TENM3: variants seen among roughly 807,000 people sequenced by gnomAD.
TENM3 encodes teneurin-3.
TENM3 carries 63 observed loss-of-function variants against 255.1 expected under a neutral mutation model. That is an observed-to-expected ratio of 0.25 (90% confidence interval 0.20 to 0.30). The LOEUF (loss-of-function observed/expected upper bound fraction) is 0.30, where lower values mean the gene tolerates loss of function less well. Ranked by LOEUF, TENM3 falls within the 10% of genes least tolerant of loss-of-function variation. The pLI is 1.00. For missense variants in TENM3, 2,929 were observed against 3,461.1 expected, an observed-to-expected ratio of 0.85 and a Z score of 3.86; for synonymous variants, 1,306 against 1,322.3, an observed-to-expected ratio of 0.99 and a Z score of 0.27.
At chr4:182,062,942 T>A in the TENM3 span, among the ~76,000 whole-genome samples, 3 of 152,226 alleles carry the variant, frequency 2.0e-5, no homozygotes, top group Non-Finnish European at 4.4e-5. Context: ...CTTTTACAAC[T>A]CCAGAGCAGA....
intron 13 of TENM3, among the ~76,000 whole-genome samples, chr4:182,719,893 T>A (rs919611188): frequency 6.6e-6 from 1 of 151,902 alleles, no homozygotes; most frequent in Admixed American, 6.6e-5. Flanking sequence ...AGGCCCCATC[T>A]CTACAAAAAA....
chr4:182,346,242 G>A (rs1198924405), intron 2 of TENM3, among the ~76,000 whole-genome samples: 1 of 152,060 alleles, frequency 6.6e-6, no homozygotes, highest in Non-Finnish European at 1.5e-5. Context: ...GTGACATCTG[G>A]GTGGGAAAAT....
At chr4:182,558,011 C>G (rs1178489818) in intron 3 of TENM3, among the ~76,000 whole-genome samples, 1 of 152,090 alleles carries the variant, frequency 6.6e-6, no homozygotes, top group Non-Finnish European at 1.5e-5. Flanking sequence ...GAGAACTTGC[C>G]CGATACCTTC....
chr4:182,302,548 CT>C (rs141412808), intron 1 of TENM3, among the ~76,000 whole-genome samples: 54 of 149,372 alleles, frequency 3.6e-4, no homozygotes, highest in African/African-American at 5.9e-4. Flanking sequence ...AACTAAATGT[CT>C]TTTTTTTTTA....
chr4:182,022,277 T>C, the TENM3 span, among the ~76,000 whole-genome samples: 1 of 152,200 alleles, frequency 6.6e-6, no homozygotes, highest in Non-Finnish European at 1.5e-5. Flanking sequence ...GAGGCCATTA[T>C]TCTAAGTGGA....
chr4:181,706,111 G>C, the TENM3 span, among the ~76,000 whole-genome samples: 2 of 152,052 alleles, frequency 1.3e-5, no homozygotes, highest in Non-Finnish European at 2.9e-5. Flanking sequence ...AGAGCCATGA[G>C]GGAGGAGCTG....
chr4:182,630,672 A>G (rs1351683813), intron 5 of TENM3, among the ~76,000 whole-genome samples: 1 of 152,116 alleles, frequency 6.6e-6, no homozygotes, highest in Non-Finnish European at 1.5e-5. Context: ...TATGTAACAA[A>G]CCTGCACATC....
intron 18 of TENM3, among the ~76,000 whole-genome samples, chr4:182,740,302 G>C (rs967141088): frequency 6.6e-6 from 1 of 152,160 alleles, no homozygotes; most frequent in Non-Finnish European, 1.5e-5. Context: ...ACTAAGCAGG[G>C]GACTCCAGTG....
chr4:181,672,719 C>T, the TENM3 span, among the ~76,000 whole-genome samples: 2 of 152,188 alleles, frequency 1.3e-5, no homozygotes, highest in Admixed American at 6.5e-5. Context: ...ATTATAGGTG[C>T]TAGCAATAAC....
the TENM3 span, among the ~76,000 whole-genome samples, chr4:182,001,890 T>C: frequency 6.6e-6 from 1 of 152,130 alleles, no homozygotes; most frequent in Non-Finnish European, 1.5e-5. Flanking sequence ...TGAGATCAAG[T>C]TGATTGGTTC....
chr4:181,600,505 G>T, the TENM3 span, among the ~76,000 whole-genome samples: 5 of 152,092 alleles, frequency 3.3e-5, no homozygotes, highest in African/African-American at 4.8e-5. Flanking sequence ...TTTCCCGGAA[G>T]CCAAGGCAGG....
chr4:181,921,605 A>G, the TENM3 span, among the ~76,000 whole-genome samples: 4 of 152,206 alleles, frequency 2.6e-5, no homozygotes, highest in East Asian at 1.9e-4. Context: ...ACTTTGCTGA[A>G]GTTGCTTATC....
the TENM3 span, among the ~76,000 whole-genome samples, chr4:182,002,345 T>A: frequency 6.6e-6 from 1 of 152,080 alleles, no homozygotes; most frequent in Non-Finnish European, 1.5e-5. Context: ...AAAGAGCTTC[T>A]CCCTTTAGGT....
intron 12 of TENM3, among the ~76,000 whole-genome samples, chr4:182,705,088 G>T (rs1268144572): frequency 6.6e-6 from 1 of 152,168 alleles, no homozygotes; most frequent in Non-Finnish European, 1.5e-5. Flanking sequence ...CAGCAGTTAA[G>T]GAACATCAAA....
At chr4:182,311,017 CA>C (rs1357306842) in intron 1 of TENM3, among the ~76,000 whole-genome samples, 1 of 152,134 alleles carries the variant, frequency 6.6e-6, no homozygotes, top group Non-Finnish European at 1.5e-5. Context: ...GCCCACAAAA[CA>C]AAATTAGTAC....
At chr4:181,867,695 A>T in the TENM3 span, among the ~76,000 whole-genome samples, 1 of 152,206 alleles carries the variant, frequency 6.6e-6, no homozygotes, top group Non-Finnish European at 1.5e-5. Context: ...ATGTACTGTT[A>T]TGATAAAATT....
chr4:182,382,128 G>C (rs1056948069), intron 3 of TENM3, among the ~76,000 whole-genome samples: 23 of 152,282 alleles, frequency 1.5e-4, no homozygotes, highest in Admixed American at 3.9e-4. Context: ...GCTATGAAGA[G>C]AGCCAAAGGA....
chr4:182,141,685 A>C (rs1749443328), upstream of TENM3: 1 of 152,196 alleles, frequency 6.6e-6, no homozygotes, highest in Non-Finnish European at 1.5e-5. Context: ...AGCATTGCAT[A>C]CTGAAAAACT....
the TENM3 span, among the ~76,000 whole-genome samples, chr4:181,824,967 G>A: frequency 6.6e-6 from 1 of 152,168 alleles, no homozygotes; most frequent in Non-Finnish European, 1.5e-5. Flanking sequence ...CCATGTCATT[G>A]ATAGTTGTGT....
Sources: gnomAD v4.1 joint callset for allele counts (sites outside exome capture counted in the v4.1 genomes callset) on GRCh38, gnomAD v4.1.1 for gene constraint, MANE v1.5 for transcripts, NCBI Gene and HGNC (gene_info 2026-07-23, HGNC 2026-07-21) for gene names.